CA10: variants seen among roughly 807,000 people sequenced by gnomAD.
CA10 encodes carbonic anhydrase-related protein 10.
A neutral mutation model predicts 44.2 loss-of-function variants in CA10; 14 were observed. That is an observed-to-expected ratio of 0.32 (90% CI 0.21 to 0.50). CA10 has a LOEUF of 0.50. Ranked by LOEUF, CA10 falls within the 20% of genes least tolerant of loss-of-function variation. The pLI, the probability that CA10 is intolerant of heterozygous loss-of-function variation, is 0.99. For synonymous variants in CA10, 159 were observed against 141.6 expected, an observed-to-expected ratio of 1.12 and a Z score of -0.87; for missense variants, 350 against 409.7, an observed-to-expected ratio of 0.85 and a Z score of 1.26.
At chr17:51,979,453 AT>A (rs1213295086) in intron 2 of CA10, among the ~76,000 whole-genome samples, 1 of 152,056 alleles carries the variant, frequency 6.6e-6, no homozygotes. Context: ...CTAGTACCCA[AT>A]AGCTATCTTT....
At chr17:52,062,113 G>C (rs1256110493) in intron 2 of CA10, among the ~76,000 whole-genome samples, 1 of 143,680 alleles carries the variant, frequency 7.0e-6, no homozygotes, top group African/African-American at 2.6e-5. Flanking sequence ...TGTTGCTCAG[G>C]CTGGAGTGCA....
At position 51,747,822 on chromosome 17, in the gene CA10, C is replaced by T. The variant is rs767575521; in HGVS notation, c.280-4G>A. 3 of 1,604,870 alleles carry T rather than the reference C, an allele frequency of 1.9e-6. No individual in the cohort carries two copies. Among genetic ancestry groups the T allele is most frequent in the Admixed American group, 1.7e-5 (1 of 58,876 alleles). On this transcript the variant is annotated splice_region_variant and splice_polypyrimidine_tract_variant and intron_variant, in intron 3 of 8. Transcript: ENST00000451037. Reference sequence around the variant, plus strand: ...TGTTGTACATGGTCCCACTGACCTGCAAGGCAATTAGCAACAGGTCAAGCA... The same window carrying T: ...TGTTGTACATGGTCCCACTGACCTGTAAGGCAATTAGCAACAGGTCAAGCA...
chr17:51,774,277 C>T (rs899987277), intron 3 of CA10, among the ~76,000 whole-genome samples: 8 of 152,164 alleles, frequency 5.3e-5, no homozygotes, highest in Non-Finnish European at 1.0e-4. Flanking sequence ...AGAACCTTAG[C>T]ACTTACTTAT....
chr17:51,948,788 C>A (rs1273997753), intron 2 of CA10, among the ~76,000 whole-genome samples: 1 of 152,000 alleles, frequency 6.6e-6, no homozygotes, highest in African/African-American at 2.4e-5. Context: ...CTTCACTGGG[C>A]CCTAATTGAC....
intron 1 of CA10, among the ~76,000 whole-genome samples, chr17:52,115,659 C>T (rs578194906): frequency 6.0e-4 from 91 of 152,322 alleles, no homozygotes; most frequent in African/African-American, 2.1e-3. Flanking sequence ...GCAGCAGCTC[C>T]CCGCCCCCCT....
intron 2 of CA10, among the ~76,000 whole-genome samples, chr17:51,992,751 C>G (rs183219219): frequency 5.0e-4 from 76 of 152,118 alleles, no homozygotes; most frequent in Admixed American, 2.6e-3. Flanking sequence ...ACAACCAGGA[C>G]AAAACTAAGG....
At chr17:51,942,350 G>A (rs182581767) in intron 2 of CA10, among the ~76,000 whole-genome samples, 9 of 152,122 alleles carry the variant, frequency 5.9e-5, no homozygotes, top group Admixed American at 5.9e-4. Context: ...TAATCCGTTG[G>A]TGTTTTAATG....
At chr17:51,804,640 A>G (rs1215534928) in intron 3 of CA10, among the ~76,000 whole-genome samples, 1 of 152,236 alleles carries the variant, frequency 6.6e-6, no homozygotes, top group Non-Finnish European at 1.5e-5. Context: ...CAGCTTGAAT[A>G]GAGCACCAAA....
intron 4 of CA10, among the ~76,000 whole-genome samples, chr17:51,721,830 C>T (rs1916360422): frequency 6.6e-6 from 1 of 152,148 alleles, no homozygotes; most frequent in Non-Finnish European, 1.5e-5. Context: ...ATATTCCTCG[C>T]CCCTGCCCTA....
intron 6 of CA10, among the ~76,000 whole-genome samples, chr17:51,642,593 G>C (rs1913134291): frequency 1.3e-5 from 2 of 152,088 alleles, no homozygotes; most frequent in Non-Finnish European, 2.9e-5. Context: ...CAGTGGTGTG[G>C]TTTTATTTCC....
intron 4 of CA10, among the ~76,000 whole-genome samples, chr17:51,734,277 G>A (rs1010983313): frequency 4.0e-5 from 6 of 151,690 alleles, no homozygotes; most frequent in Non-Finnish European, 1.5e-5. Context: ...TGGTTTATAC[G>A]TGATGGCAAA....
intron 3 of CA10, among the ~76,000 whole-genome samples, chr17:51,851,439 C>T (rs761867248): frequency 6.6e-6 from 1 of 152,102 alleles, no homozygotes. Flanking sequence ...AGTTTCCTCA[C>T]CCATAAGTGG....
At chr17:51,919,203 TG>T (rs1982126484) in intron 3 of CA10, among the ~76,000 whole-genome samples, 2 of 152,218 alleles carry the variant, frequency 1.3e-5, no homozygotes, top group South Asian at 2.1e-4. Context: ...CAAAGATACC[TG>T]GTTTATAGGC....
intron 1 of CA10, among the ~76,000 whole-genome samples, chr17:52,078,474 G>A (rs1987876329): frequency 6.6e-6 from 1 of 152,216 alleles, no homozygotes; most frequent in African/African-American, 2.4e-5. Context: ...ATATAGAGGA[G>A]AGGCAGAGTA....
At chr17:52,032,199 C>G (rs1567709620) in intron 2 of CA10, among the ~76,000 whole-genome samples, 1 of 152,242 alleles carries the variant, frequency 6.6e-6, no homozygotes, top group East Asian at 1.9e-4. Context: ...TCTATTAAAC[C>G]TAATATAGTG....
chr17:52,062,346 G>A (rs1987412257), intron 2 of CA10, among the ~76,000 whole-genome samples: 1 of 152,092 alleles, frequency 6.6e-6, no homozygotes, highest in Admixed American at 6.5e-5. Flanking sequence ...AAAATTTACA[G>A]TCTAGCAATG....
intron 2 of CA10, among the ~76,000 whole-genome samples, chr17:51,965,441 T>C (rs1467629918): frequency 1.3e-5 from 2 of 151,296 alleles, no homozygotes; most frequent in African/African-American, 2.4e-5. Context: ...CTGCAGGCCA[T>C]AGACACAAAA....
chr17:51,798,955 G>A (rs1214269341), intron 3 of CA10, among the ~76,000 whole-genome samples: 1 of 152,210 alleles, frequency 6.6e-6, no homozygotes, highest in Non-Finnish European at 1.5e-5. Flanking sequence ...ACATTGCAGT[G>A]AACATCAAGG....
intron 4 of CA10, among the ~76,000 whole-genome samples, chr17:51,717,557 A>C (rs1567815070): frequency 7.8e-6 from 1 of 127,506 alleles, no homozygotes; most frequent in African/African-American, 3.0e-5. Flanking sequence ...ATATATATAT[A>C]TATAATATTA....
Sources: gnomAD v4.1 joint callset for allele counts (sites outside exome capture counted in the v4.1 genomes callset) on GRCh38, gnomAD v4.1.1 for gene constraint, MANE v1.5 for transcripts, NCBI Gene and HGNC (gene_info 2026-07-23, HGNC 2026-07-21) for gene names.